Variants in EXOC4 observed in about 807,000 individuals in gnomAD.
EXOC4 encodes the protein SEC8-like 1.
A neutral mutation model predicts 107.2 loss-of-function variants in EXOC4; 71 were observed. The ratio of observed to expected loss-of-function variants is 0.66; its 90% CI spans 0.55 to 0.81. The LOEUF (loss-of-function observed/expected upper bound fraction) is 0.81, where lower values mean the gene tolerates loss of function less well. EXOC4 is among the 30% of genes least tolerant of loss of function. The probability of loss-of-function intolerance (pLI) is 0.00; values close to 1 mark genes in which losing one functional copy is unlikely to be tolerated. For synonymous variants in EXOC4, 456 were observed against 441.2 expected (o/e 1.03, Z -0.42); for missense variants, 1,108 against 1,189.6 (o/e 0.93, Z 1.01).
chr7:133,375,688 A>G (rs1397377491), intron 7 of EXOC4, among the ~76,000 whole-genome samples: 1 of 152,218 alleles, frequency 6.6e-6, no homozygotes, highest in Non-Finnish European at 1.5e-5. Context: ...CCTTACAGTC[A>G]ACTTTTGCAT....
At chr7:133,982,111 G>A (rs552754766) in intron 14 of EXOC4, among the ~76,000 whole-genome samples, 1 of 152,314 alleles carries the variant, frequency 6.6e-6, no homozygotes, top group South Asian at 2.1e-4. Context: ...GACGGTGAGA[G>A]GAGGGAGAGG....
intron 9 of EXOC4, among the ~76,000 whole-genome samples, chr7:133,619,959 C>T (rs1259359211): frequency 3.3e-5 from 5 of 150,158 alleles, no homozygotes; most frequent in Non-Finnish European, 4.4e-5. Context: ...CTGCGTGCTG[C>T]CTACCTTCTC....
chr7:133,681,781 CTA>C (rs1486770449), intron 10 of EXOC4, among the ~76,000 whole-genome samples: 1 of 151,812 alleles, frequency 6.6e-6, no homozygotes, highest in Admixed American at 6.6e-5. Context: ...AGTTATCTCA[CTA>C]TGAGATAAGG....
At chr7:133,298,409 C>T (rs879274763) in intron 3 of EXOC4, among the ~76,000 whole-genome samples, 2 of 152,020 alleles carry the variant, frequency 1.3e-5, no homozygotes, top group Non-Finnish European at 2.9e-5. Context: ...TTTTTCTTGT[C>T]CCAGAGTAAC....
intron 9 of EXOC4, among the ~76,000 whole-genome samples, chr7:133,513,736 G>A (rs1799817921): frequency 6.6e-6 from 1 of 152,110 alleles, no homozygotes; most frequent in Non-Finnish European, 1.5e-5. Flanking sequence ...GTTGCTCTTT[G>A]TAAAGTTAAA....
intron 9 of EXOC4, among the ~76,000 whole-genome samples, chr7:133,503,812 T>C (rs1010123350): frequency 3.3e-5 from 5 of 152,034 alleles, no homozygotes; most frequent in Admixed American, 1.3e-4. Context: ...ATGTGTGTTA[T>C]GTGTTGGGTG....
intron 10 of EXOC4, among the ~76,000 whole-genome samples, chr7:133,664,708 A>G (rs779733123): frequency 4.6e-4 from 70 of 152,194 alleles, no homozygotes; most frequent in Non-Finnish European, 1.3e-4. Context: ...AGATAAATCT[A>G]TGCAGAATTC....
At chr7:133,261,821 G>C (rs1208617299) in intron 1 of EXOC4, among the ~76,000 whole-genome samples, 2 of 152,244 alleles carry the variant, frequency 1.3e-5, no homozygotes. Flanking sequence ...TGGCCTGGGG[G>C]ATAGGCACTA....
chr7:133,301,782 T>TA (rs1794646749), intron 3 of EXOC4, among the ~76,000 whole-genome samples: 1 of 152,074 alleles, frequency 6.6e-6, no homozygotes, highest in Admixed American at 6.6e-5. Flanking sequence ...ACTAGAAAAA[T>TA]AAAAAGATCA....
intron 17 of EXOC4, among the ~76,000 whole-genome samples, chr7:134,029,659 A>G (rs949591929): frequency 6.6e-6 from 1 of 152,176 alleles, no homozygotes; most frequent in Admixed American, 6.5e-5. Flanking sequence ...ACCTGGGACC[A>G]CAGGCAGACA....
At chr7:133,642,658 T>G (rs1802887025) in intron 10 of EXOC4, among the ~76,000 whole-genome samples, 1 of 152,182 alleles carries the variant, frequency 6.6e-6, no homozygotes, top group African/African-American at 2.4e-5. Flanking sequence ...TTAATCCATC[T>G]TCTACACTAC....
intron 10 of EXOC4, among the ~76,000 whole-genome samples, chr7:133,644,861 T>G (rs1406791331): frequency 6.6e-6 from 1 of 152,156 alleles, no homozygotes; most frequent in African/African-American, 2.4e-5. Context: ...AAGATGGGAT[T>G]GTAGAACTCT....
intron 8 of EXOC4, among the ~76,000 whole-genome samples, chr7:133,475,891 A>G (rs911904947): frequency 2.0e-5 from 3 of 152,144 alleles, no homozygotes; most frequent in Non-Finnish European, 4.4e-5. Flanking sequence ...TTATGTGGTT[A>G]CTTGTTTAAT....
At chr7:133,598,422 T>C (rs1585023011) in intron 9 of EXOC4, among the ~76,000 whole-genome samples, 1 of 152,218 alleles carries the variant, frequency 6.6e-6, no homozygotes, top group Non-Finnish European at 1.5e-5. Flanking sequence ...TTATTGTATG[T>C]GGCTGTCCTG....
chr7:133,859,986 G>A (rs760623959), intron 11 of EXOC4, among the ~76,000 whole-genome samples: 4 of 152,150 alleles, frequency 2.6e-5, no homozygotes, highest in East Asian at 1.9e-4. Flanking sequence ...ACTCCAACCC[G>A]TAGAACATCT....
At chr7:133,395,109 C>CTTTTTTT (rs200545904) in intron 7 of EXOC4, among the ~76,000 whole-genome samples, 3 of 130,886 alleles carry the variant, frequency 2.3e-5, no homozygotes, top group African/African-American at 2.8e-5. Context: ...ATACTTTTGC[C>CTTTTTTT]TTTTTTTTTT....
intron 7 of EXOC4, among the ~76,000 whole-genome samples, chr7:133,459,507 G>A (rs1798539711): frequency 6.6e-6 from 1 of 152,230 alleles, no homozygotes; most frequent in Non-Finnish European, 1.5e-5. Context: ...TCAGGCATGT[G>A]AGCTGTTCAG....
At chr7:133,752,279 A>C (rs1229407273) in intron 10 of EXOC4, among the ~76,000 whole-genome samples, 1 of 152,224 alleles carries the variant, frequency 6.6e-6, no homozygotes, top group African/African-American at 2.4e-5. Flanking sequence ...TTGTTTTAAA[A>C]GGCGGACTCT....
chr7:133,517,868 C>A (rs751424708), intron 9 of EXOC4, among the ~76,000 whole-genome samples: 8 of 152,132 alleles, frequency 5.3e-5, no homozygotes, highest in Non-Finnish European at 1.0e-4. Context: ...TGGGCATATG[C>A]ATATATCAGT....
Sources: allele counts gnomAD v4.1 joint callset (sites outside exome capture counted in the v4.1 genomes callset), GRCh38; gene constraint gnomAD v4.1.1; transcripts MANE v1.5; gene names NCBI Gene and HGNC (gene_info 2026-07-23, HGNC 2026-07-21).